Variants in ITSN1 observed in about 807,000 individuals in gnomAD.
The protein encoded by ITSN1 is intersectin-1.
In ITSN1, 58 loss-of-function variants were observed where a neutral mutation model predicts 239.8. That is an observed-to-expected ratio of 0.24 (90% confidence interval 0.20 to 0.30). ITSN1 has a LOEUF of 0.30. Ranked by LOEUF, ITSN1 falls within the 10% of genes least tolerant of loss-of-function variation. ITSN1 has a pLI of 1.00. For missense variants in ITSN1, 1,558 were observed against 2,103.3 expected, an observed-to-expected ratio of 0.74 and a Z score of 5.07; for synonymous variants, 780 against 770.8, an observed-to-expected ratio of 1.01 and a Z score of -0.20.
At chr21:33,682,554 C>G (rs1464565841) in intron 1 of ITSN1, among the ~76,000 whole-genome samples, 1 of 150,866 alleles carries the variant, frequency 6.6e-6, no homozygotes, top group African/African-American at 2.4e-5. Context: ...GAGATGGAGC[C>G]TCTCTCTGTT....
intron 34 of ITSN1, among the ~76,000 whole-genome samples, chr21:33,880,756 C>T (rs940786469): frequency 2.0e-5 from 3 of 152,056 alleles, no homozygotes; most frequent in African/African-American, 4.8e-5. Flanking sequence ...AGCTCCGGAG[C>T]GCCCCCCAGG....
At chr21:33,847,158 T>C (rs1390904636) in intron 29 of ITSN1, among the ~76,000 whole-genome samples, 1 of 152,196 alleles carries the variant, frequency 6.6e-6, no homozygotes, top group African/African-American at 2.4e-5. Flanking sequence ...TGAAGAAAGT[T>C]CCATTGAGAT....
chr21:33,801,027 T>C (rs2071964986), intron 19 of ITSN1, among the ~76,000 whole-genome samples: 1 of 152,042 alleles, frequency 6.6e-6, no homozygotes, highest in Non-Finnish European at 1.5e-5. Flanking sequence ...TGCACCACCA[T>C]GCCCAGCTAA....
At chr21:33,822,670 A>G (rs1200714966) in intron 24 of ITSN1, among the ~76,000 whole-genome samples, 1 of 152,248 alleles carries the variant, frequency 6.6e-6, no homozygotes, top group African/African-American at 2.4e-5. Context: ...CACACCCTTC[A>G]AATTCAAGAC....
chr21:33,856,113 T>C (rs957047200), intron 29 of ITSN1, among the ~76,000 whole-genome samples: 1 of 152,250 alleles, frequency 6.6e-6, no homozygotes, highest in Non-Finnish European at 1.5e-5. Flanking sequence ...GAAATGGGGA[T>C]AATTCTAGTA....
At chr21:33,817,643 C>G in intron 22 of ITSN1, 1 of 1,228,246 alleles carries the variant, frequency 8.1e-7, no homozygotes, top group Non-Finnish European at 1.0e-6. Flanking sequence ...GTGCTTTTCC[C>G]TAAATTATCT....
At chr21:33,851,406 CT>C (rs923756344) in intron 29 of ITSN1, among the ~76,000 whole-genome samples, 15 of 148,386 alleles carry the variant, frequency 1.0e-4, no homozygotes, top group South Asian at 4.3e-4. Context: ...TCTTTTTTTT[CT>C]TTTTTTTTTG....
intron 27 of ITSN1, among the ~76,000 whole-genome samples, chr21:33,831,511 G>A (rs147460765): frequency 0.015 from 2,330 of 152,294 alleles, 27 homozygotes; most frequent in Middle Eastern, 0.031. Context: ...GTTTGAGGGG[G>A]AAGAGGGAGG....
Position 33,867,299 on chromosome 21 carries a change from C to T in ITSN1, c.4141C>T (p.Arg1381Trp), listed in dbSNP as rs1263461434. The T allele has an allele frequency of 4.4e-6, 7 of 1,609,106 alleles. No individual in the cohort carries two copies. Among genetic ancestry groups the T allele is most frequent in the South Asian group, 2.2e-5 (2 of 90,966 alleles). ...TAGTTTTATACTGAAGCCTATGCAACGGGTAACAAGATACCCACTGATCAT... is the reference window on the plus strand; with the variant it reads ...TAGTTTTATACTGAAGCCTATGCAATGGGTAACAAGATACCCACTGATCAT... The part of the protein sequence containing the change: ...LSSFILKPMQ[R>W]VTRYPLIIKN... Residue 1381 changes from arginine to tryptophan, a missense_variant, in exon 33 of 40, where the codon CGG becomes TGG. Arg to Trp is a moderately radical substitution (Grantham distance 101, BLOSUM62 -3). This residue lies in a region of ITSN1 where 576 missense variants were observed against 893.3 expected (regional missense o/e 0.64). Transcript: ENST00000381318.
At chr21:33,759,523 A>G (rs1602059572) in intron 8 of ITSN1, among the ~76,000 whole-genome samples, 1 of 152,218 alleles carries the variant, frequency 6.6e-6, no homozygotes, top group Non-Finnish European at 1.5e-5. Flanking sequence ...TAAATCACCC[A>G]CTAAAGTTTT....
rs758734169 is a variant in ITSN1, at chr21:33,823,609, G to T, written c.3139G>T (p.Ala1047Ser). 1 of 1,614,046 alleles carries T rather than the reference G, an allele frequency of 6.2e-7. No individual in the cohort carries two copies. The highest frequency in any genetic ancestry group is 1.3e-5 in the African/African-American group (1 of 74,918). ...GTGGACAGGAACAGTGGGCGACAAG[G>T]CCGGAGTCTTCCCTTCTAACTATGT... is the stretch of plus-strand genomic sequence containing the variant. ...DWWTGTVGDK[A>S]GVFPSNYVRL... Residue 1047 changes from alanine to serine, a missense_variant, in exon 25 of 40, where the codon GCC becomes TCC. Physicochemically the swap from Ala to Ser is moderately conservative, Grantham distance 99 (BLOSUM62 1). Coordinates refer to ENST00000381318, the MANE Select transcript of ITSN1 (RefSeq NM_003024.3).
chr21:33,722,453 C>G, intron 3 of ITSN1, 135 bp from the exon 4 acceptor site: 5 of 1,137,744 alleles, frequency 4.4e-6, no homozygotes, highest in Non-Finnish European at 5.8e-6. Context: ...TATCCTTGGA[C>G]TTTTATAATG....
chr21:33,851,657 C>T (rs1164843399), intron 29 of ITSN1, among the ~76,000 whole-genome samples: 2 of 151,720 alleles, frequency 1.3e-5, no homozygotes, highest in African/African-American at 4.8e-5. Context: ...CCTCAGCCTC[C>T]CAAAGTGCTG....
Position 33,817,296 on chromosome 21 carries a change from C to T in ITSN1, c.2728-971C>T, listed in dbSNP as rs562292364. On this transcript the variant is annotated intron_variant, in intron 22 of 39. Coordinates refer to ENST00000381318, the MANE Select transcript of ITSN1 (RefSeq NM_003024.3). ...TGCAGCCCCGGATTGTGCTTCTCTT[C>T]CCGGACCCCCTGCAGTGTTCCACCT... 4.7e-5 allele frequency: 61 copies of T among 1,304,402 alleles called. No individual in the cohort carries two copies. In the South Asian group the frequency reaches 7.3e-4, roughly 16 times the overall value. The allele number at this position is 1,304,402 out of a possible 1,614,324, so 80.8% of individuals were successfully genotyped here. A position where few individuals can be genotyped will look rare whatever the true frequency, so the allele number is the denominator to read the frequency against.
chr21:33,766,190 G>C (rs961639672), intron 10 of ITSN1, among the ~76,000 whole-genome samples, 178 bp downstream of exon 10: 5 of 152,186 alleles, frequency 3.3e-5, no homozygotes, highest in African/African-American at 1.2e-4. Context: ...GTTCTTCAAA[G>C]TACTTGAAGT....
intron 4 of ITSN1, among the ~76,000 whole-genome samples, chr21:33,725,813 G>A (rs1256886382): frequency 2.0e-5 from 3 of 152,094 alleles, no homozygotes; most frequent in Admixed American, 6.5e-5. Flanking sequence ...CAAAAGAAAT[G>A]TCTTTGAAAA....
At chr21:33,751,722 T>C in intron 6 of ITSN1, 88 bp from the exon 7 acceptor site, 1 of 988,104 alleles carries the variant, frequency 1.0e-6, no homozygotes, top group South Asian at 1.4e-5. Context: ...CTGCCTCAGA[T>C]TTGTTGACTG....
intron 14 of ITSN1, 74 bp from the exon 15 acceptor site, chr21:33,781,386 AG>A: frequency 1.2e-6 from 1 of 802,512 alleles, no homozygotes. Context: ...AACTGACTTA[AG>A]CTCTGCCTGG....
At chr21:33,762,309 C>T (rs2068399118) in intron 9 of ITSN1, among the ~76,000 whole-genome samples, 1 of 151,670 alleles carries the variant, frequency 6.6e-6, no homozygotes, top group Non-Finnish European at 1.5e-5. Flanking sequence ...TCTAGTTGCC[C>T]AGGCTGGAGT....
Sources: allele counts gnomAD v4.1 joint callset (sites outside exome capture counted in the v4.1 genomes callset), GRCh38; gene constraint gnomAD v4.1.1; regional missense constraint gnomAD v4.1.1; transcripts MANE v1.5; gene names NCBI Gene and HGNC (gene_info 2026-07-23, HGNC 2026-07-21).